DIS3L2: variants seen among roughly 807,000 people sequenced by gnomAD.
DIS3L2 encodes the protein DIS3 like 3'-5' exoribonuclease 2, also known as DIS3-like exonuclease 2.
DIS3L2 carries 34 observed loss-of-function variants against 97.5 expected under a neutral mutation model. The ratio of observed to expected loss-of-function variants is 0.35; its 90% CI spans 0.27 to 0.46. DIS3L2 has a LOEUF of 0.46. Among genes scored for constraint, DIS3L2 ranks in the 20% least tolerant of loss-of-function variants. The pLI is 1.00. For missense variants in DIS3L2, 1,038 were observed against 1,146.0 expected (o/e 0.91, Z 1.36); for synonymous variants, 435 against 445.2 (o/e 0.98, Z 0.29).
In DIS3L2 at chr2:232,130,639, C is replaced by A; in HGVS notation, c.622C>A (p.Pro208Thr). The A allele has an allele frequency of 6.2e-7, 1 of 1,612,328 alleles. No individual in the cohort carries two copies. Among genetic ancestry groups the A allele is most frequent in the Non-Finnish European group, 8.5e-7 (1 of 1,179,170 alleles). The change falls in exon 7 of 21, where the codon CCG (proline) becomes ACG (threonine). Residue 208 changes from proline (P) to threonine (T), a missense_variant. This residue lies in a region of DIS3L2 where 813 missense variants were observed against 880.1 expected (regional missense o/e 0.92). Coordinates refer to ENST00000325385, the MANE Select transcript of DIS3L2 (RefSeq NM_152383.5). ...SEKGREDGDA[P>T]VTKDETTCIS... ...TGTAGGAAGAGAGGATGGTGATGCA[C>A]CGGTTACAAAAGATGAGACCACCTG...
downstream of DIS3L2, among the ~76,000 whole-genome samples, chr2:232,339,025 G>C (rs999212125): frequency 6.6e-6 from 1 of 152,224 alleles, no homozygotes; most frequent in Non-Finnish European, 1.5e-5. Flanking sequence ...AAGCCAGTGA[G>C]TGTGTCCCTG....
intron 16 of DIS3L2, among the ~76,000 whole-genome samples, chr2:232,332,972 G>T (rs1489685862): frequency 6.6e-6 from 1 of 151,880 alleles, no homozygotes; most frequent in Non-Finnish European, 1.5e-5. Flanking sequence ...TCCCACTCTG[G>T]CCAGATGGGA....
chr2:232,329,123 A>C (rs147925025), intron 14 of DIS3L2: 2 of 152,484 alleles, frequency 1.3e-5, no homozygotes, highest in Non-Finnish European at 2.9e-5. Flanking sequence ...GCAGCCCCTG[A>C]AAGGGTGACT....
At chr2:232,024,449 G>A in intron 4 of DIS3L2, 119 bp downstream of exon 4, 2 of 769,450 alleles carry the variant, frequency 2.6e-6, no homozygotes, top group South Asian at 1.8e-5. Context: ...TTGACGATGG[G>A]CAAAGATTTG....
chr2:232,136,380 G>A (rs952754100), intron 7 of DIS3L2, 92 bp from the exon 8 acceptor site: 1 of 1,507,078 alleles, frequency 6.6e-7, no homozygotes, highest in African/African-American at 1.4e-5. Flanking sequence ...GCTGGTTCCT[G>A]CTAGTTGATC....
chr2:232,204,533 C>T (rs1574944105), intron 9 of DIS3L2, among the ~76,000 whole-genome samples: 1 of 152,156 alleles, frequency 6.6e-6, no homozygotes, highest in Admixed American at 6.5e-5. Flanking sequence ...TCTGCAGCCT[C>T]ATGAACTGGA....
At chr2:232,337,537 C>G (rs997008536), downstream of DIS3L2, among the ~76,000 whole-genome samples, 1 of 151,974 alleles carries the variant, frequency 6.6e-6, no homozygotes, top group Non-Finnish European at 1.5e-5. Context: ...CTGCCTCAGT[C>G]CCGAGCAGAG....
At chr2:232,225,337 T>C (rs991269884) in intron 10 of DIS3L2, among the ~76,000 whole-genome samples, 2 of 152,140 alleles carry the variant, frequency 1.3e-5, no homozygotes, top group African/African-American at 2.4e-5. Flanking sequence ...AAGTGCCTGA[T>C]AACAATAAAA....
At chr2:232,050,677 T>A (rs1006648545) in intron 5 of DIS3L2, among the ~76,000 whole-genome samples, 7 of 152,236 alleles carry the variant, frequency 4.6e-5, no homozygotes, top group Non-Finnish European at 1.0e-4. Context: ...AAACTGACAC[T>A]TTTATTTGGA....
intron 9 of DIS3L2, among the ~76,000 whole-genome samples, chr2:232,191,687 G>A (rs1324601543): frequency 1.3e-5 from 2 of 152,166 alleles, no homozygotes; most frequent in African/African-American, 4.8e-5. Flanking sequence ...CTTTTTGCCT[G>A]AGAGGTGACT....
intron 13 of DIS3L2, among the ~76,000 whole-genome samples, chr2:232,272,150 ATCAT>A (rs1694022248): frequency 6.6e-6 from 1 of 152,178 alleles, no homozygotes. Flanking sequence ...TCATTTACTC[ATCAT>A]TTTCAAAAAT....
intron 1 of DIS3L2, among the ~76,000 whole-genome samples, chr2:231,974,749 C>G (rs1331305465): frequency 6.6e-6 from 1 of 151,938 alleles, no homozygotes; most frequent in Non-Finnish European, 1.5e-5. Flanking sequence ...TAAATGCTAT[C>G]AGAACATAAA....
chr2:232,155,619 T>C (rs1690468228), intron 8 of DIS3L2, among the ~76,000 whole-genome samples: 1 of 152,238 alleles, frequency 6.6e-6, no homozygotes, highest in African/African-American at 2.4e-5. Context: ...TTAATGATCT[T>C]GGAAAATGTT....
chr2:232,223,484 T>G (rs1692558707), intron 10 of DIS3L2, among the ~76,000 whole-genome samples: 1 of 152,230 alleles, frequency 6.6e-6, no homozygotes. Context: ...TAAGCTTCAT[T>G]TATGCCTATT....
At chr2:231,970,366 C>A (rs1020988337) in intron 1 of DIS3L2, among the ~76,000 whole-genome samples, 4 of 152,184 alleles carry the variant, frequency 2.6e-5, no homozygotes, top group African/African-American at 9.7e-5. Flanking sequence ...TTGTGCAAAC[C>A]TCATAGAGTG....
intron 14 of DIS3L2, 26 bp from the exon 15 acceptor site, chr2:232,329,787 C>CCGGGGGCA: frequency 1.9e-6 from 2 of 1,062,210 alleles, no homozygotes; most frequent in Non-Finnish European, 2.6e-6. Context: ...CCCAGCGGTC[C>CCGGGGGCA]CTCCCATCCC....
Position 232,334,667 on chromosome 2 carries a change from G to A in DIS3L2, c.2326G>A (p.Gly776Ser). Residue 776 changes from glycine (G) to serine (S), a missense_variant, in exon 19 of 21, where the codon GGC becomes AGC. Transcript: ENST00000325385. Reference protein sequence around the residue: ...GPLESEAMVMGILKQAFDVLV... With the variant: ...GPLESEAMVMSILKQAFDVLV... ...CCTGGAGTCAGAAGCCATGGTGATG[G>A]GCATCCTGAAGCAAGCCTTCGACGT... 1 of 1,610,414 alleles carries A rather than the reference G, an allele frequency of 6.2e-7. No individual in the cohort carries two copies.
chr2:232,071,320 T>C (rs547406590), intron 5 of DIS3L2, among the ~76,000 whole-genome samples: 1 of 152,022 alleles, frequency 6.6e-6, no homozygotes, highest in African/African-American at 2.4e-5. Context: ...CCAGGAGTTC[T>C]AGACCAGCCT....
intron 13 of DIS3L2, among the ~76,000 whole-genome samples, chr2:232,295,776 T>C (rs1694711710): frequency 1.3e-5 from 2 of 152,234 alleles, no homozygotes; most frequent in Admixed American, 1.3e-4. Flanking sequence ...CAGCACTCCC[T>C]GCAAGAGTCT....
Sources: allele counts gnomAD v4.1 joint callset (sites outside exome capture counted in the v4.1 genomes callset), GRCh38; gene constraint gnomAD v4.1.1; regional missense constraint gnomAD v4.1.1; transcripts MANE v1.5; gene names NCBI Gene and HGNC (gene_info 2026-07-23, HGNC 2026-07-21).